Variants in ZNF407 observed in about 807,000 individuals in gnomAD.
ZNF407 encodes the protein zinc finger protein 407.
A neutral mutation model predicts 131.2 loss-of-function variants in ZNF407; 17 were observed. The observed-to-expected ratio is 0.13, with a 90% CI of 0.09 to 0.19. The LOEUF is 0.19. ZNF407 is among the 10% of genes least tolerant of loss of function. ZNF407 has a pLI of 1.00. For synonymous variants in ZNF407, 1,156 were observed against 1,062.0 expected, an observed-to-expected ratio of 1.09 and a Z score of -1.72; for missense variants, 2,681 against 2,830.6, an observed-to-expected ratio of 0.95 and a Z score of 1.20.
chr18:74,610,415 T>C (rs1481383161), intron 1 of ZNF407, among the ~76,000 whole-genome samples: 1 of 152,208 alleles, frequency 6.6e-6, no homozygotes, highest in Admixed American at 6.5e-5. Context: ...TGTGCGTGCA[T>C]GCGTGCAAGC....
intron 8 of ZNF407, among the ~76,000 whole-genome samples, chr18:74,921,891 A>G (rs1971851555): frequency 6.6e-6 from 1 of 152,230 alleles, no homozygotes; most frequent in Non-Finnish European, 1.5e-5. Context: ...GTTATAAGAA[A>G]TTGAACTTGA....
At chr18:75,040,328 T>A (rs1973358356) in intron 8 of ZNF407, among the ~76,000 whole-genome samples, 1 of 152,122 alleles carries the variant, frequency 6.6e-6, no homozygotes, top group Non-Finnish European at 1.5e-5. Context: ...TAGGGAACAG[T>A]CATATAACGA....
At chr18:75,037,940 T>A (rs900339926) in intron 8 of ZNF407, among the ~76,000 whole-genome samples, 1 of 152,210 alleles carries the variant, frequency 6.6e-6, no homozygotes, top group Non-Finnish European at 1.5e-5. Context: ...TGTCAAAGTT[T>A]TAGTTAATTA....
intron 8 of ZNF407, among the ~76,000 whole-genome samples, chr18:75,030,652 G>A (rs1021648101): frequency 6.6e-6 from 1 of 152,180 alleles, no homozygotes; most frequent in Non-Finnish European, 1.5e-5. Context: ...CCTCGGGCTC[G>A]GCTGGAAGTA....
chr18:75,050,575 G>A (rs937894882), intron 8 of ZNF407, among the ~76,000 whole-genome samples: 3 of 152,214 alleles, frequency 2.0e-5, no homozygotes, highest in Admixed American at 6.5e-5. Flanking sequence ...TGTACACACA[G>A]TGGGTTGTAG....
intron 8 of ZNF407, among the ~76,000 whole-genome samples, chr18:74,995,779 G>A (rs1972773739): frequency 6.6e-6 from 1 of 152,156 alleles, no homozygotes; most frequent in South Asian, 2.1e-4. Context: ...AAGAGATACC[G>A]AGGGACTTGT....
chr18:74,938,897 A>G (rs1207582302), intron 8 of ZNF407, among the ~76,000 whole-genome samples: 1 of 152,214 alleles, frequency 6.6e-6, no homozygotes, highest in Non-Finnish European at 1.5e-5. Context: ...GCAAATAGGG[A>G]TAGGTAGCAG....
chr18:74,714,781 G>C (rs1967852043), intron 3 of ZNF407, among the ~76,000 whole-genome samples: 1 of 152,180 alleles, frequency 6.6e-6, no homozygotes, highest in African/African-American at 2.4e-5. Flanking sequence ...ATCAGGTAAT[G>C]TTTTGAAGTG....
intron 3 of ZNF407, among the ~76,000 whole-genome samples, chr18:74,762,765 G>A (rs1350720134): frequency 2.0e-5 from 3 of 151,328 alleles, no homozygotes; most frequent in Non-Finnish European, 4.4e-5. Flanking sequence ...TGTTGTTGTT[G>A]TATATTGATA....
At chr18:74,830,864 C>T (rs1298517616) in intron 4 of ZNF407, among the ~76,000 whole-genome samples, 2 of 152,124 alleles carry the variant, frequency 1.3e-5, no homozygotes, top group Non-Finnish European at 2.9e-5. Context: ...AGAACTTATT[C>T]CTCCTATGGA....
chr18:75,064,378 G>A lies in ZNF407; in HGVS notation c.6657G>A (p.Leu2219=). ...EAGAPSRAEQ[L]ASVVIYTQEG... ...GGGCCCCAAGCAGGGCAGAGCAGCT[G>A]GCCAGCGTGGTCATCTACACCCAGG... The change falls in exon 9 of 9, where the codon CTG becomes CTA. Residue 2219 remains leucine (L), a synonymous_variant. Coordinates refer to ENST00000299687, the MANE Select transcript of ZNF407 (RefSeq NM_017757.3). 6.4e-7 allele frequency: 1 copy of A among 1,573,174 alleles called. No individual in the cohort carries two copies. Among genetic ancestry groups the A allele is most frequent in the Admixed American group, 1.8e-5 (1 of 54,544 alleles).
intron 3 of ZNF407, among the ~76,000 whole-genome samples, chr18:74,743,019 G>A (rs188620449): frequency 5.3e-5 from 8 of 152,172 alleles, no homozygotes; most frequent in Non-Finnish European, 1.0e-4. Flanking sequence ...ATTCAGGGGT[G>A]TGAGGAGGCA....
chr18:74,828,013 C>T (rs953659973), intron 4 of ZNF407, among the ~76,000 whole-genome samples: 3 of 152,108 alleles, frequency 2.0e-5, no homozygotes, highest in Non-Finnish European at 4.4e-5. Flanking sequence ...CTGGTGCTGC[C>T]GGTCTGCCTC....
chr18:74,961,975 C>A (rs1034965852), intron 8 of ZNF407, among the ~76,000 whole-genome samples: 9 of 152,094 alleles, frequency 5.9e-5, no homozygotes, highest in Non-Finnish European at 8.8e-5. Context: ...CAGAAAAATA[C>A]GTTCATTAGG....
chr18:74,952,121 A>G (rs59323621), intron 8 of ZNF407, among the ~76,000 whole-genome samples: 1,647 of 152,298 alleles, frequency 0.011, 32 homozygotes, highest in African/African-American at 0.037. Flanking sequence ...ACAGTTATTG[A>G]TCAGGAGCTT....
chr18:74,994,196 T>C lies in ZNF407; in HGVS notation c.5429-68954T>C, dbSNP rs181016481. 5.3e-5 allele frequency among the ~76,000 whole-genome samples: 8 copies of C among 152,050 alleles called. No homozygotes were observed. The East Asian group carries it at 1.2e-3, about 22-fold the overall frequency. On this transcript the variant is annotated intron_variant, in intron 8 of 8. Coordinates refer to ENST00000299687, the MANE Select transcript of ZNF407 (RefSeq NM_017757.3). Reference sequence around the variant, plus strand: ...TTCATAGGAAGCTCACAAGTATTCATGAGTAAAAGAGCATCAGTTCTTCAG... The same window carrying C: ...TTCATAGGAAGCTCACAAGTATTCACGAGTAAAAGAGCATCAGTTCTTCAG...
intron 3 of ZNF407, among the ~76,000 whole-genome samples, chr18:74,731,350 G>T (rs1389828709): frequency 6.6e-6 from 1 of 152,124 alleles, no homozygotes; most frequent in Admixed American, 6.5e-5. Context: ...CATCCCATCT[G>T]ATTCTATGAT....
intron 4 of ZNF407, among the ~76,000 whole-genome samples, chr18:74,784,899 G>C (rs1475166335): frequency 6.6e-6 from 1 of 152,160 alleles, no homozygotes; most frequent in Non-Finnish European, 1.5e-5. Context: ...GATGGTATTC[G>C]TCGTTCAGTG....
Position 74,632,494 on chromosome 18 carries a change from C to G in ZNF407, c.1475C>G (p.Thr492Ser), listed in dbSNP as rs763704268. The G allele has an allele frequency of 6.2e-7, 1 of 1,614,036 alleles. No homozygotes were observed. Among genetic ancestry groups the G allele is most frequent in the Non-Finnish European group, 8.5e-7 (1 of 1,179,906 alleles). The part of the protein sequence containing the change: ...ACSSVQRVCV[T>S]TSETQEAEQG... ...AGCAGTGTGCAGAGAGTGTGTGTGA[C>G]TACCTCAGAAACCCAGGAGGCAGAG... The change falls in exon 2 of 9, where the codon ACT becomes AGT. Residue 492 changes from threonine (T) to serine (S), a missense_variant. Thr to Ser is a moderately conservative substitution (Grantham distance 58, BLOSUM62 1). Transcript: ENST00000299687.
Sources: allele counts gnomAD v4.1 joint callset (sites outside exome capture counted in the v4.1 genomes callset), GRCh38; gene constraint gnomAD v4.1.1; transcripts MANE v1.5; gene names NCBI Gene and HGNC (gene_info 2026-07-23, HGNC 2026-07-21).